The following MICU1 variants were observed in gnomAD, a reference collection of about 807,000 sequenced individuals.
MICU1 encodes calcium uptake protein 1, mitochondrial.
MICU1 carries 45 observed loss-of-function variants against 56.8 expected under a neutral mutation model. The observed-to-expected ratio is 0.79, with a 90% CI of 0.62 to 1.02. MICU1 has a LOEUF of 1.02. MICU1 is among the 50% of genes least tolerant of loss of function. The probability of loss-of-function intolerance (pLI) is 0.00; values close to 1 mark genes in which losing one functional copy is unlikely to be tolerated. For synonymous variants in MICU1, 186 were observed against 195.1 expected (o/e 0.95, Z 0.39); for missense variants, 504 against 587.1 (o/e 0.86, Z 1.46).
chr10:72,489,149 G>A (rs1017427226), intron 6 of MICU1, among the ~76,000 whole-genome samples: 11 of 152,058 alleles, frequency 7.2e-5, no homozygotes, highest in African/African-American at 2.7e-4. Context: ...AACTAGCTGG[G>A]CATAGTGGCA....
At chr10:72,588,166 C>T (rs1841117339) in intron 1 of MICU1, among the ~76,000 whole-genome samples, 1 of 152,074 alleles carries the variant, frequency 6.6e-6, no homozygotes, top group Admixed American at 6.6e-5. Flanking sequence ...TCCCCCTCTT[C>T]TCTCTCTCCT....
intron 6 of MICU1, among the ~76,000 whole-genome samples, chr10:72,501,586 A>G (rs1414995194): frequency 1.3e-5 from 2 of 152,188 alleles, no homozygotes; most frequent in Admixed American, 6.5e-5. Flanking sequence ...AAAATGGACA[A>G]TAACAGTATA....
chr10:72,504,355 T>C (rs1437349787), intron 6 of MICU1, among the ~76,000 whole-genome samples: 1 of 151,982 alleles, frequency 6.6e-6, no homozygotes, highest in African/African-American at 2.4e-5. Flanking sequence ...TCAACTAAGC[T>C]GACAAAAATA....
intron 1 of MICU1, among the ~76,000 whole-genome samples, chr10:72,583,935 GA>G (rs1840974819): frequency 6.6e-6 from 1 of 152,226 alleles, no homozygotes; most frequent in African/African-American, 2.4e-5. Flanking sequence ...CCTGTTCTGA[GA>G]AGTGAGTATC....
intron 3 of MICU1, among the ~76,000 whole-genome samples, chr10:72,554,851 C>T (rs1300626092): frequency 6.6e-6 from 1 of 152,078 alleles, no homozygotes; most frequent in Non-Finnish European, 1.5e-5. Flanking sequence ...CCCATCTCTA[C>T]TAAAAATACA....
chr10:72,484,776 C>G (rs768599950), intron 6 of MICU1, among the ~76,000 whole-genome samples: 4 of 152,136 alleles, frequency 2.6e-5, no homozygotes, highest in Non-Finnish European at 5.9e-5. Context: ...CCAGTCCCAG[C>G]CTCGAAAGTG....
At chr10:72,382,446 T>C (rs1276670091) in intron 10 of MICU1, among the ~76,000 whole-genome samples, 1 of 151,890 alleles carries the variant, frequency 6.6e-6, no homozygotes, top group East Asian at 1.9e-4. Context: ...AGAGACCAAC[T>C]GCGCATGTAT....
At chr10:72,456,950 T>C (rs1224432963) in intron 8 of MICU1, among the ~76,000 whole-genome samples, 3 of 99,232 alleles carry the variant, frequency 3.0e-5, no homozygotes. Flanking sequence ...TGCCCAGGTG[T>C]GTGTGTGTGT....
intron 8 of MICU1, among the ~76,000 whole-genome samples, chr10:72,429,049 C>G (rs1864440069): frequency 6.6e-6 from 1 of 152,084 alleles, no homozygotes; most frequent in Non-Finnish European, 1.5e-5. Flanking sequence ...ATATTCGTGA[C>G]CTCAAAGTGT....
chr10:72,458,478 C>T (rs530472060), intron 8 of MICU1, among the ~76,000 whole-genome samples: 1 of 152,196 alleles, frequency 6.6e-6, no homozygotes, highest in African/African-American at 2.4e-5. Context: ...ATTTATTTTT[C>T]CAGTTGCGTA....
At chr10:72,606,130 C>CAAAAAAAAA (rs11317547) in intron 1 of MICU1, among the ~76,000 whole-genome samples, 1 of 124,148 alleles carries the variant, frequency 8.1e-6, no homozygotes. Flanking sequence ...GACTCCATCT[C>CAAAAAAAAA]AAAAAAAAAA....
intron 5 of MICU1, among the ~76,000 whole-genome samples, chr10:72,517,841 T>C (rs1867696678): frequency 6.6e-6 from 1 of 151,884 alleles, no homozygotes; most frequent in Non-Finnish European, 1.5e-5. Context: ...ATCTTTTAGA[T>C]GGTGTTTAAT....
At chr10:72,605,475 T>C (rs1841661366) in intron 1 of MICU1, among the ~76,000 whole-genome samples, 1 of 152,256 alleles carries the variant, frequency 6.6e-6, no homozygotes, top group Admixed American at 6.5e-5. Flanking sequence ...ACTTTCTTAA[T>C]AAACTTGCTC....
At chr10:72,615,874 A>G (rs1351545591) in intron 1 of MICU1, among the ~76,000 whole-genome samples, 1 of 152,196 alleles carries the variant, frequency 6.6e-6, no homozygotes, top group Non-Finnish European at 1.5e-5. Flanking sequence ...CTGTAGTCCC[A>G]GCTACTTGGA....
At chr10:72,582,160 G>A (rs1255570886) in intron 1 of MICU1, among the ~76,000 whole-genome samples, 5 of 152,070 alleles carry the variant, frequency 3.3e-5, no homozygotes, top group East Asian at 1.9e-4. Flanking sequence ...AACTACTGAC[G>A]TCAGATGACC....
At chr10:72,436,606 A>G (rs904794239) in intron 8 of MICU1, among the ~76,000 whole-genome samples, 6 of 152,182 alleles carry the variant, frequency 3.9e-5, no homozygotes, top group African/African-American at 1.4e-4. Flanking sequence ...GGTAATAACA[A>G]ACTTCTCCAA....
chr10:72,582,007 G>A (rs1840912609), intron 1 of MICU1, among the ~76,000 whole-genome samples: 1 of 152,152 alleles, frequency 6.6e-6, no homozygotes, highest in Non-Finnish European at 1.5e-5. Flanking sequence ...TCAGCTCACT[G>A]CAACCTCTGC....
chr10:72,463,359 G>A (rs1048309689), intron 8 of MICU1, among the ~76,000 whole-genome samples: 3 of 152,136 alleles, frequency 2.0e-5, no homozygotes, highest in Admixed American at 6.5e-5. Flanking sequence ...CATGGCGCCC[G>A]GCCGCACTTT....
chr10:72,503,025 C>T (rs1867130630), intron 6 of MICU1: 1 of 154,018 alleles, frequency 6.5e-6, no homozygotes, highest in African/African-American at 2.4e-5. Flanking sequence ...AGCCCAGATG[C>T]TGGGGTTGGC....
Sources: allele counts gnomAD v4.1 joint callset (sites outside exome capture counted in the v4.1 genomes callset), GRCh38; gene constraint gnomAD v4.1.1; transcripts MANE v1.5; gene names NCBI Gene and HGNC (gene_info 2026-07-23, HGNC 2026-07-21).